Variants in SHROOM2 observed in about 807,000 individuals in gnomAD.
The protein encoded by SHROOM2 is protein Shroom2.
A neutral mutation model predicts 75.9 loss-of-function variants in SHROOM2; 33 were observed. The ratio of observed to expected loss-of-function variants is 0.43; its 90% CI spans 0.33 to 0.58. The LOEUF (loss-of-function observed/expected upper bound fraction) is 0.58. Ranked by LOEUF, SHROOM2 falls within the 20% of genes least tolerant of loss-of-function variation. The probability of loss-of-function intolerance (pLI) is 0.04; values close to 1 mark genes in which losing one functional copy is unlikely to be tolerated. For synonymous variants in SHROOM2, 655 were observed against 663.6 expected (o/e 0.99, Z 0.20); for missense variants, 1,434 against 1,461.2 (o/e 0.98, Z 0.30).
intron 1 of SHROOM2, among the ~76,000 whole-genome samples, chrX:9,872,078 A>G (rs1269590013): frequency 8.9e-6 from 1 of 112,395 alleles, no homozygotes. Context: ...AAGCTACTCA[A>G]TTCTGCCCTG....
chrX:9,879,561 A>G (rs748002370), intron 2 of SHROOM2, among the ~76,000 whole-genome samples: 173 of 112,949 alleles, frequency 1.5e-3, no homozygotes, highest in African/African-American at 5.1e-3. Context: ...GCACCCGGCC[A>G]GCTTATTGTT....
chrX:9,875,812 C>T lies in SHROOM2; in HGVS notation c.317+2009C>T, dbSNP rs536358933. ...GGTTTTCTATTTACATTTGCATTTC[C>T]GTAGTTATGGGAGTGAAGTCAGGTA... On this transcript the variant is annotated intron_variant, in intron 2 of 9. Transcript: ENST00000380913. 1.3e-4 allele frequency among the ~76,000 whole-genome samples: 15 copies of T among 112,609 alleles called. No individual in the cohort carries two copies. The South Asian group carries it at 4.7e-3, about 36-fold the overall frequency.
intron 2 of SHROOM2, among the ~76,000 whole-genome samples, chrX:9,884,109 C>T (rs150289615): frequency 9.0e-6 from 1 of 111,569 alleles, no homozygotes; most frequent in African/African-American, 3.3e-5. Flanking sequence ...GTATGTAATA[C>T]CACCAACACC....
chrX:9,938,312 C>A (rs1411566318), intron 7 of SHROOM2, among the ~76,000 whole-genome samples: 1 of 112,181 alleles, frequency 8.9e-6, no homozygotes, highest in Non-Finnish European at 1.9e-5. Flanking sequence ...AGCACTTTGG[C>A]TGACCGAGGT....
intron 1 of SHROOM2, among the ~76,000 whole-genome samples, chrX:9,859,471 G>A (rs1304550141): frequency 1.8e-5 from 2 of 111,912 alleles, no homozygotes; most frequent in Non-Finnish European, 3.8e-5. Flanking sequence ...GTAACTGTCA[G>A]CAGGGTTAGG....
chrX:9,916,210 C>T (rs1007065426), intron 5 of SHROOM2, among the ~76,000 whole-genome samples: 2 of 112,111 alleles, frequency 1.8e-5, no homozygotes, highest in African/African-American at 3.2e-5. Context: ...CCAGAGTCTC[C>T]GCTGTGGAAC....
At chrX:9,852,116 G>A (rs895934605) in intron 1 of SHROOM2, among the ~76,000 whole-genome samples, 8 of 112,310 alleles carry the variant, frequency 7.1e-5, no homozygotes, top group African/African-American at 2.6e-4. Context: ...GTGTTGGAAT[G>A]TAAGGCATGA....
At chrX:9,912,720 T>C (rs1257411020) in intron 5 of SHROOM2, 1 of 112,052 alleles carries the variant, frequency 8.9e-6, no homozygotes, top group Non-Finnish European at 1.9e-5. Flanking sequence ...TCTGCTATCT[T>C]GAAGGGCAGG....
At chrX:9,915,685 A>G (rs1434170663) in intron 5 of SHROOM2, among the ~76,000 whole-genome samples, 1 of 112,784 alleles carries the variant, frequency 8.9e-6, no homozygotes, top group Non-Finnish European at 1.9e-5. Context: ...GTGTATACAC[A>G]TATACATGCC....
chrX:9,807,780 T>G (rs2083762979), intron 1 of SHROOM2, among the ~76,000 whole-genome samples: 1 of 112,440 alleles, frequency 8.9e-6, no homozygotes, highest in South Asian at 3.7e-4. Context: ...GGAGCCCTTC[T>G]GTGATCCTCC....
chrX:9,849,630 T>C (rs2084027615), intron 1 of SHROOM2, among the ~76,000 whole-genome samples: 1 of 111,424 alleles, frequency 9.0e-6, no homozygotes, highest in Admixed American at 9.6e-5. Flanking sequence ...ATCAAGAACC[T>C]TTTGCCATCA....
chrX:9,914,280 G>A (rs2084465110), intron 5 of SHROOM2, among the ~76,000 whole-genome samples: 1 of 109,390 alleles, frequency 9.1e-6, no homozygotes, highest in Admixed American at 1.0e-4. Context: ...TGACCCTGGT[G>A]AATGCACGCT....
intron 5 of SHROOM2, among the ~76,000 whole-genome samples, chrX:9,901,596 CT>C (rs1221954553): frequency 8.9e-6 from 1 of 112,057 alleles, no homozygotes; most frequent in Admixed American, 9.5e-5. Context: ...TGGAGGGTTC[CT>C]TGGCACCATG....
At chrX:9,833,065 G>C (rs898473415) in intron 1 of SHROOM2, among the ~76,000 whole-genome samples, 1 of 110,522 alleles carries the variant, frequency 9.0e-6, no homozygotes, top group Non-Finnish European at 1.9e-5. Context: ...ATGTCTTCTC[G>C]CGTCCTTGTG....
At chrX:9,935,310 T>TTTATTA (rs201503800) in intron 6 of SHROOM2, among the ~76,000 whole-genome samples, 7,049 of 99,087 alleles carry the variant, frequency 0.071, 502 homozygotes, top group African/African-American at 0.21. Flanking sequence ...TCCTCCTTCT[T>TTTATTA]TTATTATTAT....
chrX:9,886,211 C>T (rs1427215163), intron 2 of SHROOM2, among the ~76,000 whole-genome samples: 1 of 112,499 alleles, frequency 8.9e-6, no homozygotes, highest in Non-Finnish European at 1.9e-5. Flanking sequence ...CTGCCTCCGA[C>T]AACTCCCACC....
chrX:9,823,080 T>C (rs2083865764), intron 1 of SHROOM2, among the ~76,000 whole-genome samples: 2 of 71,989 alleles, frequency 2.8e-5, no homozygotes, highest in African/African-American at 5.7e-5. Context: ...TCCTCCCTTC[T>C]CCCTTCTCCT....
In SHROOM2 at chrX:9,875,618, C is replaced by T. The variant is rs140166181; in HGVS notation, c.317+1815C>T. ...GCTGGCCAACTTTGTATCACCAGGG[C>T]ATAGCTATGCGTAGAAATTCCTAGC... On this transcript the variant is annotated intron_variant, in intron 2 of 9. Coordinates refer to ENST00000380913, the MANE Select transcript of SHROOM2 (RefSeq NM_001649.4). Among the ~76,000 whole-genome samples the T allele has an allele frequency of 8.8e-3, 983 of 112,214 alleles. 16 individuals carry two copies. Among genetic ancestry groups the T allele is most frequent in the Non-Finnish European group, 0.012 (663 of 53,244 alleles).
intron 5 of SHROOM2, among the ~76,000 whole-genome samples, chrX:9,923,853 A>C (rs2084570118): frequency 9.0e-6 from 1 of 111,695 alleles, no homozygotes; most frequent in Admixed American, 9.5e-5. Flanking sequence ...TGTGCTTTGG[A>C]TTTCTCTTTT....
Sources: gnomAD v4.1 joint callset for allele counts (sites outside exome capture counted in the v4.1 genomes callset) on GRCh38, gnomAD v4.1.1 for gene constraint, MANE v1.5 for transcripts, NCBI Gene and HGNC (gene_info 2026-07-23, HGNC 2026-07-21) for gene names.